The following PSMC3IP variants were observed in gnomAD, a reference collection of about 807,000 sequenced individuals.
PSMC3IP encodes the protein homologous-pairing protein 2 homolog.
PSMC3IP carries 26 observed loss-of-function variants against 34.9 expected under a neutral mutation model. The ratio of observed to expected loss-of-function variants is 0.74; its 90% confidence interval spans 0.55 to 1.03. PSMC3IP has a LOEUF of 1.03. Among genes scored for constraint, PSMC3IP ranks in the 50% least tolerant of loss-of-function variants. PSMC3IP has a pLI of 0.00. For missense variants in PSMC3IP, 250 were observed against 263.1 expected, an observed-to-expected ratio of 0.95 and a Z score of 0.34; for synonymous variants, 87 against 96.5, an observed-to-expected ratio of 0.90 and a Z score of 0.57.
In PSMC3IP at chr17:42,577,680, T is replaced by C. The variant is rs373107959; in HGVS notation, c.7A>G (p.Lys3Glu). ...CCCGCCGCAGCTTCTGCCCGGCCTTTACTCATCGCCTTTCCCGCCACCCAA... is the reference window on the plus strand; with the variant it reads ...CCCGCCGCAGCTTCTGCCCGGCCTTCACTCATCGCCTTTCCCGCCACCCAA... Reference protein sequence around the residue: MSKGRAEAAAGAA... With the variant: MSEGRAEAAAGAA... Residue 3 changes from lysine (K) to glutamate (E), a missense_variant, in exon 1 of 8, where the codon AAA (lysine) becomes GAA (glutamate). Lys to Glu is a moderately conservative substitution (Grantham distance 56). Coordinates refer to ENST00000393795, the MANE Select transcript of PSMC3IP (RefSeq NM_016556.4). 1.1e-5 allele frequency: 18 copies of C among 1,614,008 alleles called. No individual in the cohort carries two copies. The highest frequency in any genetic ancestry group is 1.5e-5 in the Non-Finnish European group (18 of 1,179,996).
In PSMC3IP at chr17:42,572,759, G is replaced by C. The variant is rs558569927; in HGVS notation, c.*209C>G. 1 of 685,564 alleles carries C rather than the reference G, an allele frequency of 1.5e-6. No homozygotes were observed. The highest frequency in any genetic ancestry group is 2.7e-6 in the Non-Finnish European group (1 of 376,548). The allele number at this position is 685,564 out of a possible 1,614,324, so 42.5% of individuals were successfully genotyped here. A position where few individuals can be genotyped will look rare whatever the true frequency, so the allele number is the denominator to read the frequency against. On this transcript the variant is annotated 3_prime_UTR_variant, in exon 8 of 8. Coordinates refer to ENST00000393795, the MANE Select transcript of PSMC3IP (RefSeq NM_016556.4). ...GTTAACCTCAAGCTACTGCAATTTA[G>C]ACAATGAAATGGGCTGGGTCTACCC... is the stretch of plus-strand genomic sequence containing the variant.
In PSMC3IP at chr17:42,572,404, C is replaced by G. The variant is rs1567910806; in HGVS notation, c.*564G>C. On this transcript the variant is annotated 3_prime_UTR_variant, in exon 8 of 8. Coordinates refer to ENST00000393795, the MANE Select transcript of PSMC3IP (RefSeq NM_016556.4). Reference sequence around the variant, plus strand: ...TAACTGAGCCTCAAAATCACCCTTTCTGTCAAGCATATCTTGGCCTCTCCC... The same window carrying G: ...TAACTGAGCCTCAAAATCACCCTTTGTGTCAAGCATATCTTGGCCTCTCCC... 1 of 454,534 alleles carries G rather than the reference C, an allele frequency of 2.2e-6. No individual in the cohort carries two copies. Among genetic ancestry groups the G allele is most frequent in the African/African-American group, 2.0e-5 (1 of 49,992 alleles). The allele number at this position is 454,534 out of a possible 1,614,324, so 28.2% of individuals were successfully genotyped here.
chr17:42,573,725 T>C, intron 4 of PSMC3IP, 102 bp from the exon 5 acceptor site: 2 of 1,542,924 alleles, frequency 1.3e-6, no homozygotes, highest in South Asian at 2.3e-5. Context: ...TCTGGATCTA[T>C]CATCTCACAT....
chr17:42,574,197 A>G lies in PSMC3IP; in HGVS notation c.239T>C (p.Met80Thr), dbSNP rs1255523978. 1.9e-6 allele frequency: 3 copies of G among 1,614,048 alleles called. No individual in the cohort carries two copies. Among genetic ancestry groups the G allele is most frequent in the Non-Finnish European group, 8.5e-7 (1 of 1,179,990 alleles). Reference protein sequence around the residue: ...IYFADQDQFDMVSDADLQVLD... With the variant: ...IYFADQDQFDTVSDADLQVLD... ...GACTTGAAGGTCAGCATCACTCACC[A>G]TGTCAAACTGGTCCTGCCAGACAAA... The change falls in exon 4 of 8, where the codon ATG (methionine) becomes ACG (threonine). Residue 80 changes from methionine (M) to threonine (T), a missense_variant. By Grantham distance (81) the Met-to-Thr change is moderately conservative. Transcript: ENST00000393795.
chr17:42,573,954 A>G, intron 4 of PSMC3IP, 145 bp downstream of exon 4: 4 of 1,537,496 alleles, frequency 2.6e-6, no homozygotes, highest in Non-Finnish European at 3.5e-6. Context: ...GTTATCCTAC[A>G]TTTCTTTTTA....
chr17:42,572,560 G>C lies in PSMC3IP; in HGVS notation c.*408C>G, dbSNP rs758758619. On this transcript the variant is annotated 3_prime_UTR_variant, in exon 8 of 8. Coordinates refer to ENST00000393795, the MANE Select transcript of PSMC3IP (RefSeq NM_016556.4). ...GAGTGAAGCCGTGGGCCCTCCAAAT[G>C]CTCGTTTTATAGCAACCTCTCTCTA... 2.2e-6 allele frequency: 1 copy of C among 453,122 alleles called. No homozygotes were observed. The highest frequency in any genetic ancestry group is 4.4e-6 in the Non-Finnish European group (1 of 226,390). The allele number at this position is 453,122 out of a possible 1,614,324, so 28.1% of individuals were successfully genotyped here.
chr17:42,576,830 T>C, intron 3 of PSMC3IP: 1 of 327,884 alleles, frequency 3.0e-6, no homozygotes, highest in Non-Finnish European at 5.9e-6. Flanking sequence ...GACTCTGATA[T>C]TAATGCCTGA....
chr17:42,574,621 T>C lies in PSMC3IP; in HGVS notation c.226-411A>G, dbSNP rs533042773. ...GCATGATGGATGGGATGGATGGACT[T>C]CTTTTCTTCTTCCTTCCTGTCCTTT... is the stretch of plus-strand genomic sequence containing the variant. On this transcript the variant is annotated intron_variant, in intron 3 of 7. Transcript: ENST00000393795. Among the ~76,000 whole-genome samples the C allele has an allele frequency of 8.8e-3, 1,334 of 152,114 alleles. 11 individuals are homozygous for C. The highest frequency in any genetic ancestry group is 0.013 in the Non-Finnish European group (869 of 68,000).
intron 4 of PSMC3IP, chr17:42,573,838 GTTAAA>G: frequency 6.5e-7 from 1 of 1,531,868 alleles, no homozygotes. Flanking sequence ...GGCGTAGCCA[GTTAAA>G]GAAGCAGGAA....
In PSMC3IP at chr17:42,573,477, C is replaced by G. The variant is rs2093051029; in HGVS notation, c.483+1G>C. ...AGCGGTCCTACAGCCTTCCAGCTCACCTGCTCTTTCTCTTCTGGAGTCACA... is the reference window on the plus strand; with the variant it reads ...AGCGGTCCTACAGCCTTCCAGCTCAGCTGCTCTTTCTCTTCTGGAGTCACA... On this transcript the variant is annotated splice_donor_variant, in intron 5 of 7. Coordinates refer to ENST00000393795, the MANE Select transcript of PSMC3IP (RefSeq NM_016556.4). LOFTEE classifies it high-confidence loss of function. The G allele has an allele frequency of 1.2e-6, 2 of 1,614,268 alleles. No individual in the cohort carries two copies. The highest frequency in any genetic ancestry group is 1.7e-6 in the Non-Finnish European group (2 of 1,180,054).
chr17:42,573,948 T>C (rs1018145016), intron 4 of PSMC3IP, 151 bp downstream of exon 4: 4 of 1,536,240 alleles, frequency 2.6e-6, no homozygotes, highest in Non-Finnish European at 3.5e-6. Context: ...CCGTTAGTTA[T>C]CCTACATTTC....
chr17:42,573,814 T>A (rs1399811413), intron 4 of PSMC3IP, 191 bp from the exon 5 acceptor site: 9 of 1,529,538 alleles, frequency 5.9e-6, no homozygotes, highest in Non-Finnish European at 7.9e-6. Flanking sequence ...GGTGTGAGGT[T>A]GAACACTTAC....
intron 3 of PSMC3IP, chr17:42,576,869 G>A (rs1306364620): frequency 1.1e-5 from 4 of 366,200 alleles, no homozygotes; most frequent in Admixed American, 3.8e-5. Flanking sequence ...CTGGGCTGGA[G>A]AATATAAATT....
chr17:42,572,818 C>A lies in PSMC3IP; in HGVS notation c.*150G>T, dbSNP rs753204781. The A allele has an allele frequency of 7.6e-6, 7 of 921,696 alleles. No individual in the cohort carries two copies. Among genetic ancestry groups the A allele is most frequent in the Admixed American group, 2.0e-5 (1 of 50,976 alleles). 57.1% of individuals were successfully genotyped at this position (921,696 alleles called of 1,614,324 possible). On this transcript the variant is annotated 3_prime_UTR_variant, in exon 8 of 8. Coordinates refer to ENST00000393795, the MANE Select transcript of PSMC3IP (RefSeq NM_016556.4). ...CAGCCCTCATCCTCTCTACCCAGTG[C>A]TCTGGTTTATGCTTGTCTCCTGACT...
rs749431372 is a variant in PSMC3IP, at chr17:42,577,212, C to A, written c.225+1G>T. On this transcript the variant is annotated splice_donor_variant, in intron 3 of 7. Coordinates refer to ENST00000393795, the MANE Select transcript of PSMC3IP (RefSeq NM_016556.4). LOFTEE classifies it high-confidence loss of function. ...TGACAATCGGCGCAAGTTCTCCTCA[C>A]CTGATCCGCAAAATAGATCTTCTGC... 4 of 1,614,044 alleles carry A rather than the reference C, an allele frequency of 2.5e-6. No homozygotes were observed. Among genetic ancestry groups the A allele is most frequent in the Non-Finnish European group, 3.4e-6 (4 of 1,180,022 alleles).
chr17:42,577,796 C>A (rs1169291156), upstream of PSMC3IP: 9 of 1,359,988 alleles, frequency 6.6e-6, no homozygotes, highest in East Asian at 4.6e-5. Flanking sequence ...GAAGGGGAAG[C>A]CTTCCGGAGG....
At position 42,572,980 on chromosome 17, in the gene PSMC3IP, G is replaced by T. The variant is rs1243841460; in HGVS notation, c.642C>A (p.Leu214=). 6.2e-7 allele frequency: 1 copy of T among 1,614,082 alleles called. No homozygotes were observed. Among genetic ancestry groups the T allele is most frequent in the African/African-American group, 1.3e-5 (1 of 74,930 alleles). The stretch of plus-strand genomic sequence containing the variant: ...GACCGTGGGCCCCTCAGGGGTCTGG[G>T]AGTGTGACGTTGTAATCTTCATCCG... ...IETDEDYNVT[L]PDP is the part of the protein sequence containing the mutation. Residue 214 remains leucine (L), a synonymous_variant, in exon 8 of 8, where the codon CTC becomes CTA. Transcript: ENST00000393795.
At position 42,577,711 on chromosome 17, in the gene PSMC3IP, A is replaced by G; in HGVS notation, c.-25T>C. 1 of 1,613,880 alleles carries G rather than the reference A, an allele frequency of 6.2e-7. No homozygotes were observed. Among genetic ancestry groups the G allele is most frequent in the South Asian group, 1.1e-5 (1 of 91,082 alleles). On this transcript the variant is annotated 5_prime_UTR_variant, in exon 1 of 8. Coordinates refer to ENST00000393795, the MANE Select transcript of PSMC3IP (RefSeq NM_016556.4). ...TCGCCTTTCCCGCCACCCAACTCAG[A>G]AAGCCGGACGTTGTAGTTGCTCGGG...
chr17:42,573,273 CA>C lies in PSMC3IP; in HGVS notation c.537+37del, dbSNP rs1567912225. On this transcript the variant is annotated intron_variant, in intron 6 of 7. Transcript: ENST00000393795. ...ATCTGGTGCCTGCCATTTTCAAAGG[CA>C]CCTCCAGGGCCTGTCTCGGAGCTCC... 3 of 1,613,902 alleles carry C rather than the reference CA, an allele frequency of 1.9e-6. No individual in the cohort carries two copies. The South Asian group carries it at 3.3e-5, about 18-fold the overall frequency.
Sources: allele counts gnomAD v4.1 joint callset (sites outside exome capture counted in the v4.1 genomes callset), GRCh38; gene constraint gnomAD v4.1.1; transcripts MANE v1.5; gene names NCBI Gene and HGNC (gene_info 2026-07-23, HGNC 2026-07-21).